SPATA13: variants seen among roughly 807,000 people sequenced by gnomAD.
The protein encoded by SPATA13 is spermatogenesis associated 13.
In SPATA13, 50 loss-of-function variants were observed where a neutral mutation model predicts 104.0. The ratio of observed to expected loss-of-function variants is 0.48; its 90% CI spans 0.38 to 0.61. SPATA13 has a LOEUF of 0.61. Among genes scored for constraint, SPATA13 ranks in the 20% least tolerant of loss-of-function variants. The pLI, the probability that SPATA13 is intolerant of heterozygous loss-of-function variation, is 0.00. For synonymous variants in SPATA13, 606 were observed against 667.5 expected (o/e 0.91, Z 1.42); for missense variants, 1,524 against 1,690.6 (o/e 0.90, Z 1.73).
rs1245162929 is a variant in SPATA13, at chr13:24,293,025, C to T, written c.3081-1714C>T. Among the ~76,000 whole-genome samples the T allele has an allele frequency of 9.2e-5, 6 of 65,544 alleles. No homozygotes were observed. The South Asian group carries it at 2.1e-3, about 23-fold the overall frequency. 43.0% of individuals were successfully genotyped at this position (65,544 alleles called of 152,430 possible). ...AAAAAAAAAAAAAAAAAAAAAAAGG[C>T]GAGGGTGTGGGGAGAGCCTTCTTAC... On this transcript the variant is annotated intron_variant, in intron 9 of 12. Transcript: ENST00000382108.
intron 3 of SPATA13, among the ~76,000 whole-genome samples, chr13:24,078,968 A>C (rs1208532481): frequency 1.3e-5 from 2 of 152,206 alleles, no homozygotes; most frequent in African/African-American, 4.8e-5. Context: ...CTGTATCATC[A>C]CCCAATATAT....
intron 3 of SPATA13, among the ~76,000 whole-genome samples, chr13:24,114,656 T>G (rs12232067): frequency 0.17 from 26,033 of 152,004 alleles, 3,506 homozygotes; most frequent in African/African-American, 0.36. Context: ...TGTTGTTGTT[T>G]TTTGTTGTTG....
chr13:24,215,008 C>T (rs1871203226), intron 1 of SPATA13, among the ~76,000 whole-genome samples: 1 of 152,146 alleles, frequency 6.6e-6, no homozygotes, highest in Admixed American at 6.5e-5. Flanking sequence ...GATATTATAC[C>T]AGAGTATTCC....
Position 24,306,695 on chromosome 13 carries a change from T to A in SPATA13, c.*3922T>A, listed in dbSNP as rs1221301307. ...TTACTTAGCTACAACATACTTTACA[T>A]TGTTGCCTTTAGTTATCTCACAGGC... On this transcript the variant is annotated 3_prime_UTR_variant, in exon 13 of 13. Coordinates refer to ENST00000382108, the MANE Select transcript of SPATA13 (RefSeq NM_001166271.3). 1 of 152,258 alleles carries A rather than the reference T, an allele frequency of 6.6e-6. No homozygotes were observed. Among genetic ancestry groups the A allele is most frequent in the Non-Finnish European group, 1.5e-5 (1 of 68,040 alleles). The allele number at this position is 152,258 out of a possible 1,614,324, so 9.4% of individuals were successfully genotyped here.
At chr13:24,026,812 CGTGATCCGCCCTT>C (rs200690838) in intron 3 of SPATA13, among the ~76,000 whole-genome samples, 1,343 of 10,528 alleles carry the variant, frequency 0.13, 21 homozygotes, top group South Asian at 0.24. Context: ...CTCCTGACCT[CGTGATCCGCCCTT>C]GTGATCCTGA....
intron 3 of SPATA13, among the ~76,000 whole-genome samples, chr13:24,095,279 C>G (rs558646939): frequency 1.3e-5 from 2 of 152,264 alleles, no homozygotes; most frequent in East Asian, 3.9e-4. Context: ...AGATGAATGT[C>G]AAGGACATTA....
At chr13:24,251,526 A>G in intron 3 of SPATA13, 192 bp from the exon 4 acceptor site, 7 of 985,462 alleles carry the variant, frequency 7.1e-6, no homozygotes, top group Non-Finnish European at 7.2e-6. Context: ...CAGTAAGCTG[A>G]TCAGGATTGT....
In SPATA13 at chr13:24,193,248, G is replaced by A. The variant is rs185417011; in HGVS notation, c.-111-29571G>A. 1.2e-3 allele frequency among the ~76,000 whole-genome samples: 187 copies of A among 152,250 alleles called. 1 individual carries two copies. The highest frequency in any genetic ancestry group is 0.011 in the South Asian group (55 of 4,826). Reference sequence around the variant, plus strand: ...GACGGAGCTCTGAGGAAGGGGAGTTGCAGGGGAAATGGACAGGAGGGAATG... The same window carrying A: ...GACGGAGCTCTGAGGAAGGGGAGTTACAGGGGAAATGGACAGGAGGGAATG... On this transcript the variant is annotated intron_variant, in intron 1 of 12. Transcript: ENST00000382108.
rs768123464 is a variant in SPATA13, at chr13:24,284,109, T to C, written c.2165-26T>C. On this transcript the variant is annotated intron_variant, in intron 4 of 12. Coordinates refer to ENST00000382108, the MANE Select transcript of SPATA13 (RefSeq NM_001166271.3). Reference sequence around the variant, plus strand: ...AATCTTGTTAGCTGTGTCTTTTAAATCATGCCTTTGTTTTGTATGTTTTAG... The same window carrying C: ...AATCTTGTTAGCTGTGTCTTTTAAACCATGCCTTTGTTTTGTATGTTTTAG... The C allele has an allele frequency of 2.3e-5, 36 of 1,584,386 alleles. 1 individual carries two copies. In the South Asian group the frequency reaches 3.9e-4, roughly 17 times the overall value.
At chr13:24,294,939 A>T in intron 10 of SPATA13, 71 bp downstream of exon 10, 3 of 1,481,936 alleles carry the variant, frequency 2.0e-6, no homozygotes, top group Middle Eastern at 2.2e-4. Context: ...GTGCAGATGC[A>T]CTTTAATATC....
At chr13:24,153,452 T>C (rs1241389272) in intron 3 of SPATA13, among the ~76,000 whole-genome samples, 1 of 152,216 alleles carries the variant, frequency 6.6e-6, no homozygotes, top group African/African-American at 2.4e-5. Flanking sequence ...GAGCTAGGGT[T>C]CTGCTAGTAC....
chr13:24,081,900 C>T (rs1013890525), intron 3 of SPATA13, among the ~76,000 whole-genome samples: 2 of 152,168 alleles, frequency 1.3e-5, no homozygotes, highest in African/African-American at 2.4e-5. Context: ...TTACCTGGGC[C>T]CTGTTCCCTG....
chr13:23,981,356 T>C (rs926205406), intron 1 of SPATA13, among the ~76,000 whole-genome samples: 6 of 152,252 alleles, frequency 3.9e-5, no homozygotes, highest in Non-Finnish European at 8.8e-5. Context: ...TTACAAATTA[T>C]GTTATTTGTT....
intron 4 of SPATA13, among the ~76,000 whole-genome samples, chr13:24,253,878 C>T (rs116372891): frequency 0.011 from 1,715 of 152,178 alleles, 24 homozygotes; most frequent in African/African-American, 0.038. Context: ...AAGAGGCAGA[C>T]GAGGATGTTG....
intron 1 of SPATA13, among the ~76,000 whole-genome samples, chr13:24,165,695 A>G (rs1436124391): frequency 6.6e-6 from 1 of 152,108 alleles, no homozygotes; most frequent in African/African-American, 2.4e-5. Flanking sequence ...TGGGGGCAGG[A>G]GGCTGGCAAT....
chr13:24,176,625 T>TCAGC (rs1239019940), intron 1 of SPATA13, among the ~76,000 whole-genome samples: 56 of 152,258 alleles, frequency 3.7e-4, no homozygotes, highest in African/African-American at 1.3e-3. Context: ...TGACCCTCAG[T>TCAGC]CAGCCTTCTT....
At chr13:24,251,918 C>T in intron 4 of SPATA13, 56 bp downstream of exon 4, 1 of 1,556,654 alleles carries the variant, frequency 6.4e-7, no homozygotes, top group African/African-American at 1.4e-5. Flanking sequence ...CTGACCGTTT[C>T]CAGCTAACCT....
intron 1 of SPATA13, among the ~76,000 whole-genome samples, chr13:23,981,146 C>G (rs1298017637): frequency 1.3e-5 from 2 of 152,182 alleles, no homozygotes; most frequent in African/African-American, 4.8e-5. Context: ...AAGATGGCGA[C>G]TTTCACAAAG....
chr13:24,296,306 G>A (rs760149798), intron 10 of SPATA13, among the ~76,000 whole-genome samples: 1 of 152,160 alleles, frequency 6.6e-6, no homozygotes, highest in African/African-American at 2.4e-5. Context: ...TTGGAGTCAG[G>A]CTCTTTTGCC....
Sources: gnomAD v4.1 joint callset for allele counts (sites outside exome capture counted in the v4.1 genomes callset) on GRCh38, gnomAD v4.1.1 for gene constraint, MANE v1.5 for transcripts, NCBI Gene and HGNC (gene_info 2026-07-23, HGNC 2026-07-21) for gene names.